The following LRP1B variants were observed in gnomAD, a reference collection of about 807,000 sequenced individuals.
The protein encoded by LRP1B is LDL receptor related protein 1B.
Under a neutral mutation model 556.6 loss-of-function variants are expected in LRP1B, and 217 were observed. That is an observed-to-expected ratio of 0.39 (90% CI 0.35 to 0.44). The LOEUF is 0.44. LRP1B is among the 20% of genes least tolerant of loss of function. The pLI, the probability that LRP1B is intolerant of heterozygous loss-of-function variation, is 1.00. For synonymous variants in LRP1B, 2,047 were observed against 1,865.8 expected, an observed-to-expected ratio of 1.10 and a Z score of -2.50; for missense variants, 5,053 against 5,620.8, an observed-to-expected ratio of 0.90 and a Z score of 3.23.
intron 2 of LRP1B, among the ~76,000 whole-genome samples, chr2:141,736,117 A>G (rs907864089): frequency 6.6e-6 from 1 of 152,092 alleles, no homozygotes; most frequent in African/African-American, 2.4e-5. Context: ...AATAGAGGCT[A>G]AGTGACTTAA....
intron 87 of LRP1B, among the ~76,000 whole-genome samples, chr2:140,242,385 A>C (rs76572017): frequency 0.013 from 1,976 of 151,216 alleles, 23 homozygotes; most frequent in Non-Finnish European, 0.021. Context: ...TTGAGGGCAC[A>C]ATCTGTTTCT....
chr2:140,392,487 T>G (rs1397735572), intron 66 of LRP1B, among the ~76,000 whole-genome samples: 1 of 151,918 alleles, frequency 6.6e-6, no homozygotes, highest in African/African-American at 2.4e-5. Context: ...TTCAAAAGAA[T>G]GCAACCTTTT....
chr2:141,740,132 C>T (rs1693642457), intron 2 of LRP1B, among the ~76,000 whole-genome samples: 1 of 152,088 alleles, frequency 6.6e-6, no homozygotes, highest in Admixed American at 6.6e-5. Flanking sequence ...CTAATGCTAT[C>T]TCCATTTTGA....
At position 141,062,066 on chromosome 2, in the gene LRP1B, G is replaced by A. The variant is rs1225352501; in HGVS notation, c.1221C>T (p.Val407=). The A allele has an allele frequency of 4.3e-6, 7 of 1,611,268 alleles. No homozygotes were observed. The highest frequency in any genetic ancestry group is 5.9e-6 in the Non-Finnish European group (7 of 1,178,190). Residue 407 remains valine (V), a synonymous_variant, in exon 8 of 91, where the codon GTC becomes GTT. Transcript: ENST00000389484. The part of the protein sequence containing the change: ...VDYQGKNRHT[V]IQGRQVRHLY... ...TTGTACTTACTTGTCTGCCTTGAAT[G>A]ACAGTGTGTCTATTTTTTCCTTGAT... is the stretch of plus-strand genomic sequence containing the variant.
intron 3 of LRP1B, among the ~76,000 whole-genome samples, chr2:141,296,920 A>G (rs1373787960): frequency 6.6e-6 from 1 of 152,148 alleles, no homozygotes; most frequent in East Asian, 1.9e-4. Context: ...TACTGTACCC[A>G]ATTGTTAGCT....
rs771528733 is a variant in LRP1B at position 142,112,036 on chromosome 2, C to A, written c.82+18612G>T. Among the ~76,000 whole-genome samples the A allele has an allele frequency of 8.1e-4, 123 of 151,974 alleles. 2 individuals are homozygous for A. The highest frequency in any genetic ancestry group is 6.6e-4 in the Non-Finnish European group (45 of 67,964). ...GAGTATGGTAGCAAAGCAGAAGCTG[C>A]AAAGCATTACATCAAGGTGCCTTTC... is the stretch of plus-strand genomic sequence containing the variant. On this transcript the variant is annotated intron_variant, in intron 1 of 90. Coordinates refer to ENST00000389484, the MANE Select transcript of LRP1B (RefSeq NM_018557.3).
chr2:141,078,077 C>T (rs74850711), intron 7 of LRP1B, among the ~76,000 whole-genome samples: 4,945 of 151,532 alleles, frequency 0.033, 93 homozygotes, highest in South Asian at 0.074. Flanking sequence ...AAAAACTACT[C>T]ATTTTATAAA....
chr2:141,675,487 T>C lies in LRP1B; in HGVS notation c.205+134792A>G, dbSNP rs781152660. 2.0e-5 allele frequency among the ~76,000 whole-genome samples: 3 copies of C among 150,562 alleles called. No individual in the cohort carries two copies. In the East Asian group the frequency reaches 5.9e-4, roughly 30 times the overall value. On this transcript the variant is annotated intron_variant, in intron 2 of 90. Coordinates refer to ENST00000389484, the MANE Select transcript of LRP1B (RefSeq NM_018557.3). ...GCATCAGGTTTTAATTTTAATAATC[T>C]TGATCACCTTGGGAAAACTACTTAA...
intron 1 of LRP1B, among the ~76,000 whole-genome samples, chr2:141,938,200 T>A (rs1003583390): frequency 2.0e-4 from 30 of 152,108 alleles, no homozygotes; most frequent in African/African-American, 7.2e-4. Context: ...TTGCAAACCA[T>A]ATATCTAATA....
intron 2 of LRP1B, among the ~76,000 whole-genome samples, chr2:141,658,395 C>CAA (rs1428020990): frequency 6.6e-6 from 1 of 152,126 alleles, no homozygotes; most frequent in African/African-American, 2.4e-5. Flanking sequence ...CCAGTGCTTA[C>CAA]AAGAGCTAAG....
At chr2:141,987,549 G>GTTTTTTTTTT (rs5834887) in intron 1 of LRP1B, among the ~76,000 whole-genome samples, 3 of 139,964 alleles carry the variant, frequency 2.1e-5, no homozygotes, top group East Asian at 2.1e-4. Flanking sequence ...GATTTAAGCT[G>GTTTTTTTTTT]TTTTTTTTTT....
At chr2:140,588,685 G>T (rs1235658766) in intron 43 of LRP1B, among the ~76,000 whole-genome samples, 2 of 152,050 alleles carry the variant, frequency 1.3e-5, no homozygotes, top group African/African-American at 4.8e-5. Context: ...TGGACATCCA[G>T]CTGGGTGCAT....
At chr2:140,504,913 T>C (rs1252710952) in intron 53 of LRP1B, among the ~76,000 whole-genome samples, 1 of 152,154 alleles carries the variant, frequency 6.6e-6, no homozygotes, top group Non-Finnish European at 1.5e-5. Flanking sequence ...GGTGAAAAAA[T>C]ATGGTTCCAA....
chr2:140,489,720 G>C (rs530675373), intron 57 of LRP1B, among the ~76,000 whole-genome samples: 1 of 152,116 alleles, frequency 6.6e-6, no homozygotes, highest in African/African-American at 2.4e-5. Flanking sequence ...GTGATGGCTT[G>C]GCAATTCAGG....
rs1680624587 is a variant in LRP1B, at chr2:140,234,821, G to A, written c.13624C>T (p.Leu4542=). The change falls in exon 90 of 91, where the codon CTA becomes TTA. Residue 4542 remains leucine (L), a synonymous_variant. Transcript: ENST00000389484. ...KLPHTAPPIY[L]NSDLKGPLTA... is the part of the protein sequence containing the mutation. The stretch of plus-strand genomic sequence containing the variant: ...AGTGGTCCTTTCAAATCAGAGTTTA[G>A]GTAGATGGGCGGCGCTGTGTGTGGA... The A allele has an allele frequency of 1.3e-6, 1 of 775,704 alleles. No homozygotes were observed. Among genetic ancestry groups the A allele is most frequent in the Non-Finnish European group, 2.4e-6 (1 of 414,826 alleles). The allele number at this position is 775,704 out of a possible 1,614,324, so 48.1% of individuals were successfully genotyped here. A position where few individuals can be genotyped will look rare whatever the true frequency, so the allele number is the denominator to read the frequency against.
intron 55 of LRP1B, among the ~76,000 whole-genome samples, chr2:140,499,746 T>C (rs1264502068): frequency 7.0e-6 from 1 of 143,350 alleles, no homozygotes; most frequent in East Asian, 1.9e-4. Flanking sequence ...TTAGAAACGT[T>C]TAAAAAATAT....
chr2:141,366,987 A>G (rs182183099), intron 3 of LRP1B, among the ~76,000 whole-genome samples: 184 of 152,356 alleles, frequency 1.2e-3, no homozygotes, highest in African/African-American at 4.3e-3. Flanking sequence ...TCTAAAGGTA[A>G]CAGTAGAGAT....
rs574126161 is a variant in LRP1B at position 140,714,418 on chromosome 2, T to G, written c.6023+1555A>C. ...TGGATGTGGAGAGATAAGAGGTACT[T>G]AAGAAAAAGAAGCTCTGGGATATCA... On this transcript the variant is annotated intron_variant, in intron 37 of 90. Transcript: ENST00000389484. Among the ~76,000 whole-genome samples the G allele has an allele frequency of 1.6e-3, 242 of 152,170 alleles. 5 individuals carry two copies. In the South Asian group the frequency reaches 0.049, roughly 31 times the overall value.
intron 27 of LRP1B, among the ~76,000 whole-genome samples, chr2:140,867,287 C>T (rs1022019500): frequency 6.6e-6 from 1 of 151,972 alleles, no homozygotes. Flanking sequence ...GTACCACCCC[C>T]TCTCTTCCCA....
Sources: gnomAD v4.1 joint callset for allele counts (sites outside exome capture counted in the v4.1 genomes callset) on GRCh38, gnomAD v4.1.1 for gene constraint, MANE v1.5 for transcripts, NCBI Gene and HGNC (gene_info 2026-07-23, HGNC 2026-07-21) for gene names.